The following ARHGAP23 variants were observed in gnomAD, a reference collection of about 807,000 sequenced individuals.
ARHGAP23 encodes Rho GTPase activating protein 23.
A neutral mutation model predicts 136.3 loss-of-function variants in ARHGAP23; 34 were observed. The observed-to-expected ratio is 0.25, with a 90% CI of 0.19 to 0.33. The LOEUF is 0.33. Among genes scored for constraint, ARHGAP23 ranks in the 10% least tolerant of loss-of-function variants. The probability of loss-of-function intolerance (pLI) is 1.00; values close to 1 mark genes in which losing one functional copy is unlikely to be tolerated. For missense variants in ARHGAP23, 1,808 were observed against 2,139.0 expected, an observed-to-expected ratio of 0.85 and a Z score of 3.05; for synonymous variants, 832 against 920.5, an observed-to-expected ratio of 0.90 and a Z score of 1.74.
intron 23 of ARHGAP23, among the ~76,000 whole-genome samples, chr17:38,504,407 T>C (rs2040584247): frequency 6.6e-6 from 1 of 152,226 alleles, no homozygotes; most frequent in Non-Finnish European, 1.5e-5. Context: ...GCCTGCGGCC[T>C]CCTGTCCCGG....
At chr17:38,453,454 T>C (rs868806609) in intron 1 of ARHGAP23, among the ~76,000 whole-genome samples, 13 of 115,240 alleles carry the variant, frequency 1.1e-4, no homozygotes, top group Non-Finnish European at 1.7e-4. Context: ...TGTGTGTGTG[T>C]GTGTGTGCGC....
chr17:38,450,554 C>T (rs539222829), intron 1 of ARHGAP23: 36 of 152,292 alleles, frequency 2.4e-4, no homozygotes, highest in African/African-American at 7.9e-4. Flanking sequence ...ACTACAGACA[C>T]GTGCCACCAC....
chr17:38,431,410 C>T (rs2038683065), intron 1 of ARHGAP23, among the ~76,000 whole-genome samples: 1 of 152,090 alleles, frequency 6.6e-6, no homozygotes, highest in Non-Finnish European at 1.5e-5. Flanking sequence ...TTGGACAAAG[C>T]CTGGTTTTAA....
chr17:38,501,761 T>G (rs1328308657), intron 23 of ARHGAP23, among the ~76,000 whole-genome samples: 2 of 152,092 alleles, frequency 1.3e-5, no homozygotes, highest in African/African-American at 2.4e-5. Flanking sequence ...AAATTGAATA[T>G]GTAATTTAAA....
At chr17:38,502,729 G>T (rs7207495) in intron 23 of ARHGAP23, among the ~76,000 whole-genome samples, 1 of 152,018 alleles carries the variant, frequency 6.6e-6, no homozygotes, top group South Asian at 2.1e-4. Context: ...AAAAATATGT[G>T]GCTTGAGGGA....
At position 38,443,296 on chromosome 17, in the gene ARHGAP23, T is replaced by G. The variant is rs559037654; in HGVS notation, c.63+14748T>G. Reference sequence around the variant, plus strand: ...GTTGCAGGTGGTGGGTGCTGGGTGCTACCTTCATTTCCAGAGGTTGGTTAA... The same window carrying G: ...GTTGCAGGTGGTGGGTGCTGGGTGCGACCTTCATTTCCAGAGGTTGGTTAA... On this transcript the variant is annotated intron_variant, in intron 1 of 23. Coordinates refer to ENST00000622683, the MANE Select transcript of ARHGAP23 (RefSeq NM_001199417.2). Among the ~76,000 whole-genome samples the G allele has an allele frequency of 3.3e-5, 5 of 152,322 alleles. No homozygotes were observed. The East Asian group carries it at 9.7e-4, about 29-fold the overall frequency.
chr17:38,432,272 C>G (rs555218349), intron 1 of ARHGAP23, among the ~76,000 whole-genome samples: 11 of 152,332 alleles, frequency 7.2e-5, no homozygotes, highest in African/African-American at 2.6e-4. Context: ...TACAGTGGCT[C>G]ACACCTGTAA....
At chr17:38,443,341 A>G (rs1478613022) in intron 1 of ARHGAP23, among the ~76,000 whole-genome samples, 1 of 152,218 alleles carries the variant, frequency 6.6e-6, no homozygotes, top group Non-Finnish European at 1.5e-5. Flanking sequence ...CGCATCTAAC[A>G]GCAGCTGCCT....
chr17:38,458,736 CT>C (rs2039390150), intron 2 of ARHGAP23, among the ~76,000 whole-genome samples: 2 of 152,226 alleles, frequency 1.3e-5, no homozygotes, highest in South Asian at 2.1e-4. Flanking sequence ...CAGCACGCCC[CT>C]GGCCCCTGCT....
At chr17:38,436,982 A>G (rs913673131) in intron 1 of ARHGAP23, among the ~76,000 whole-genome samples, 8 of 152,222 alleles carry the variant, frequency 5.3e-5, no homozygotes, top group African/African-American at 1.9e-4. Context: ...TTCCAAATCT[A>G]TCATTAACCT....
intron 1 of ARHGAP23, chr17:38,454,145 G>C (rs1282646414): frequency 6.6e-6 from 1 of 152,228 alleles, no homozygotes; most frequent in Non-Finnish European, 1.5e-5. Flanking sequence ...GCCAGGGTGA[G>C]AGCCGCGGGG....
intron 23 of ARHGAP23, among the ~76,000 whole-genome samples, chr17:38,507,276 A>AAATAATAATAATAATAATAATAAT (rs56830471): frequency 1.9e-3 from 258 of 136,666 alleles, no homozygotes; most frequent in African/African-American, 3.3e-3. Flanking sequence ...CTCCGTCTCA[A>AAATAATAATAATAATAATAATAAT]AATAATAATA....
intron 23 of ARHGAP23, among the ~76,000 whole-genome samples, chr17:38,501,626 T>C (rs1434740424): frequency 1.3e-5 from 2 of 152,124 alleles, no homozygotes; most frequent in Non-Finnish European, 2.9e-5. Context: ...ATTGAATTTA[T>C]GGGCATAAAG....
chr17:38,427,986 C>G (rs533692938), upstream of ARHGAP23, among the ~76,000 whole-genome samples: 3 of 152,286 alleles, frequency 2.0e-5, no homozygotes, highest in South Asian at 2.1e-4. Context: ...TTCTCTGCCT[C>G]TCTCTGCGCT....
At chr17:38,460,882 A>G (rs1460522992) in intron 2 of ARHGAP23, 23 bp from the exon 3 acceptor site, 7 of 1,535,822 alleles carry the variant, frequency 4.6e-6, no homozygotes, top group Non-Finnish European at 6.1e-6. Flanking sequence ...TGACGCCCAC[A>G]CCCACTCCTC....
chr17:38,473,234 G>A (rs930695491), intron 11 of ARHGAP23, among the ~76,000 whole-genome samples: 1 of 151,718 alleles, frequency 6.6e-6, no homozygotes, highest in African/African-American at 2.4e-5. Flanking sequence ...GATTACAGGC[G>A]TGAGCCACCG....
In ARHGAP23 at chr17:38,510,584, C is replaced by A; in HGVS notation, c.4088C>A (p.Ala1363Asp). ...CTGCGGCCCCCGGCGGCGGCGCTGG[C>A]CTCCCGGCCCTCGCGCATGGAGGCG... ...ESLRPPAAAL[A>D]SRPSRMEALR... Residue 1363 changes from alanine (A) to aspartate (D), a missense_variant, in exon 24 of 24, where the codon GCC becomes GAC. By Grantham distance (126) the Ala-to-Asp change is moderately radical. This residue lies in a region of ARHGAP23 where 506 missense variants were observed against 455.8 expected (regional missense o/e 1.11). Coordinates refer to ENST00000622683, the MANE Select transcript of ARHGAP23 (RefSeq NM_001199417.2). This position sits in a 1 kb window ranked among gnomAD's most constrained non-coding sequence, Gnocchi z 4.6. 1 of 1,267,944 alleles carries A rather than the reference C, an allele frequency of 7.9e-7. No homozygotes were observed. The highest frequency in any genetic ancestry group is 2.9e-5 in the South Asian group (1 of 34,962). The allele number at this position is 1,267,944 out of a possible 1,614,324, so 78.5% of individuals were successfully genotyped here. A position where few individuals can be genotyped will look rare whatever the true frequency, so the allele number is the denominator to read the frequency against.
intron 1 of ARHGAP23, among the ~76,000 whole-genome samples, chr17:38,444,820 A>AT (rs60306950): frequency 5.1e-3 from 733 of 143,188 alleles, no homozygotes; most frequent in Non-Finnish European, 8.0e-3. Context: ...ATCTTTCAAC[A>AT]TTTTTTTTTT....
rs1567810148 is a variant in ARHGAP23 at position 38,477,674 on chromosome 17, G to GGCGGCGGCGGGGGCT, written c.2223_2237dup (p.Ala744_Ala748dup). On this transcript the variant is annotated inframe_insertion, in exon 12 of 24. Transcript: ENST00000622683. This position sits in a 1 kb window ranked among gnomAD's most constrained non-coding sequence, Gnocchi z 6.6. Reference sequence around the variant, plus strand: ...GCAAGGAGCGGCGGGAGCCCGGGCCGGCGGCGGCGGGGGCTGCGGCGGCCG... The same window carrying GGCGGCGGCGGGGGCT: ...GCAAGGAGCGGCGGGAGCCCGGGCCGGCGGCGGCGGGGGCTGCGGCGGCGGGGGCTGCGGCGGCCG... The GGCGGCGGCGGGGGCT allele has an allele frequency of 7.7e-7, 1 of 1,297,694 alleles. No individual in the cohort carries two copies. The highest frequency in any genetic ancestry group is 3.5e-5 in the East Asian group (1 of 28,456). 80.4% of individuals were successfully genotyped at this position (1,297,694 alleles called of 1,614,324 possible).
Sources: allele counts gnomAD v4.1 joint callset (sites outside exome capture counted in the v4.1 genomes callset), GRCh38; gene constraint gnomAD v4.1.1; regional missense constraint gnomAD v4.1.1; non-coding constraint Gnocchi (gnomAD v3.1); transcripts MANE v1.5; gene names NCBI Gene and HGNC (gene_info 2026-07-23, HGNC 2026-07-21).